ULK4: variants seen among roughly 807,000 people sequenced by gnomAD.
ULK4 encodes the protein inactive serine/threonine-protein kinase ULK4.
In ULK4, 133 loss-of-function variants were observed where a neutral mutation model predicts 160.6. The ratio of observed to expected loss-of-function variants is 0.83; its 90% CI spans 0.72 to 0.96. The LOEUF (loss-of-function observed/expected upper bound fraction) is 0.96, where lower values mean the gene tolerates loss of function less well. Ranked by LOEUF, ULK4 falls within the 40% of genes least tolerant of loss-of-function variation. The pLI is 0.00. For synonymous variants in ULK4, 534 were observed against 539.8 expected, an observed-to-expected ratio of 0.99 and a Z score of 0.15; for missense variants, 1,580 against 1,499.5, an observed-to-expected ratio of 1.05 and a Z score of -0.89.
chr3:41,869,060 C>T (rs529057874), intron 17 of ULK4: 3 of 152,070 alleles, frequency 2.0e-5, no homozygotes, highest in African/African-American at 7.2e-5. Context: ...TAGTTACAAT[C>T]AATTAGTTGT....
At chr3:41,722,586 G>A (rs1463480463) in intron 22 of ULK4, among the ~76,000 whole-genome samples, 1 of 151,940 alleles carries the variant, frequency 6.6e-6, no homozygotes, top group Non-Finnish European at 1.5e-5. Flanking sequence ...AGCCGAGATG[G>A]CACCACTGCA....
At chr3:41,261,618 G>A (rs1177823205) in intron 35 of ULK4, among the ~76,000 whole-genome samples, 2 of 152,048 alleles carry the variant, frequency 1.3e-5, no homozygotes, top group Non-Finnish European at 2.9e-5. Context: ...CTGCTCTGCC[G>A]GCCATCTCTT....
chr3:41,562,444 T>C (rs1206010523), intron 32 of ULK4, among the ~76,000 whole-genome samples: 1 of 152,220 alleles, frequency 6.6e-6, no homozygotes, highest in Non-Finnish European at 1.5e-5. Flanking sequence ...TTGATCTGTC[T>C]AGTATTGACG....
rs543657330 is a variant in ULK4 at position 41,376,908 on chromosome 3, C to T, written c.3678+21171G>A. The stretch of plus-strand genomic sequence containing the variant: ...TCATATGGAACCAAAAAAGAGCCCG[C>T]ATCGCCAAGTCAATCCTAAGCCAAA... On this transcript the variant is annotated intron_variant, in intron 35 of 36. Coordinates refer to ENST00000301831, the MANE Select transcript of ULK4 (RefSeq NM_017886.4). 1.5e-4 allele frequency among the ~76,000 whole-genome samples: 21 copies of T among 143,938 alleles called. 1 individual carries two copies. Among genetic ancestry groups the T allele is most frequent in the African/African-American group, 5.5e-4 (20 of 36,340 alleles). 94.4% of individuals were successfully genotyped at this position (143,938 alleles called of 152,430 possible).
chr3:41,827,337 C>T (rs1403113635), intron 18 of ULK4, among the ~76,000 whole-genome samples: 3 of 151,644 alleles, frequency 2.0e-5, no homozygotes, highest in Non-Finnish European at 4.4e-5. Flanking sequence ...GACAGAGACA[C>T]AAAAAACCCT....
chr3:41,679,264 T>C (rs2035840671), intron 29 of ULK4, among the ~76,000 whole-genome samples: 1 of 152,178 alleles, frequency 6.6e-6, no homozygotes, highest in South Asian at 2.1e-4. Flanking sequence ...GAGGGTACTA[T>C]TTGCCACACA....
intron 31 of ULK4, among the ~76,000 whole-genome samples, chr3:41,583,912 G>C (rs1450195863): frequency 1.3e-5 from 2 of 152,170 alleles, no homozygotes; most frequent in Non-Finnish European, 2.9e-5. Flanking sequence ...TACAGCTCTG[G>C]TCTCTGCAGA....
chr3:41,640,682 G>A (rs1463065082), intron 30 of ULK4, among the ~76,000 whole-genome samples: 1 of 152,150 alleles, frequency 6.6e-6, no homozygotes, highest in Non-Finnish European at 1.5e-5. Context: ...CAAAGGCATA[G>A]TGTACCTGAG....
At chr3:41,828,042 C>G (rs2041430120) in intron 18 of ULK4, among the ~76,000 whole-genome samples, 1 of 151,792 alleles carries the variant, frequency 6.6e-6, no homozygotes, top group African/African-American at 2.4e-5. Flanking sequence ...GAACCAAAGA[C>G]AAAAACCACA....
In ULK4 at chr3:41,911,679, A is replaced by G. The variant is rs754401884; in HGVS notation, c.897-20T>C. 10 of 1,563,600 alleles carry G rather than the reference A, an allele frequency of 6.4e-6. No individual in the cohort carries two copies. The South Asian group carries it at 1.0e-4, about 16-fold the overall frequency. Reference sequence around the variant, plus strand: ...TTTCTGCTATTATTGGAGAAAACCAACACAATCAAACTTACTTTGGAGTTC... The same window carrying G: ...TTTCTGCTATTATTGGAGAAAACCAGCACAATCAAACTTACTTTGGAGTTC... On this transcript the variant is annotated intron_variant, in intron 9 of 36. Coordinates refer to ENST00000301831, the MANE Select transcript of ULK4 (RefSeq NM_017886.4).
chr3:41,659,519 T>C (rs2035071003), intron 30 of ULK4, among the ~76,000 whole-genome samples: 1 of 152,180 alleles, frequency 6.6e-6, no homozygotes, highest in Admixed American at 6.5e-5. Context: ...CATGTTAAAA[T>C]TACTCTGAAA....
chr3:41,782,993 G>A (rs2039899391), intron 21 of ULK4, among the ~76,000 whole-genome samples: 1 of 149,038 alleles, frequency 6.7e-6, no homozygotes, highest in African/African-American at 2.5e-5. Flanking sequence ...ATATGAGCCA[G>A]CAAAGAACAT....
At chr3:41,850,477 T>C (rs1329969656) in intron 17 of ULK4, among the ~76,000 whole-genome samples, 1 of 151,692 alleles carries the variant, frequency 6.6e-6, no homozygotes, top group African/African-American at 2.4e-5. Context: ...GCACCTGTTG[T>C]TTCCTGACTT....
rs917211642 is a variant in ULK4, at chr3:41,775,195, C to T, written c.2193+14466G>A. Among the ~76,000 whole-genome samples the T allele has an allele frequency of 2.7e-5, 4 of 149,828 alleles. 1 individual carries two copies. The highest frequency in any genetic ancestry group is 7.6e-5 in the African/African-American group (3 of 39,618). ...ATGTAACAAACGTGCACGTTGTGCA[C>T]ATGTACCCTAAAAGTATAATAATAA... On this transcript the variant is annotated intron_variant, in intron 21 of 36. Coordinates refer to ENST00000301831, the MANE Select transcript of ULK4 (RefSeq NM_017886.4).
intron 35 of ULK4, among the ~76,000 whole-genome samples, chr3:41,354,802 G>C (rs1432803335): frequency 6.6e-6 from 1 of 152,198 alleles, no homozygotes; most frequent in African/African-American, 2.4e-5. Flanking sequence ...ATTCATTACA[G>C]ACACATGTAA....
chr3:41,732,895 C>CA (rs1575620842), intron 22 of ULK4, among the ~76,000 whole-genome samples: 1 of 151,830 alleles, frequency 6.6e-6, no homozygotes, highest in Admixed American at 6.6e-5. Flanking sequence ...TGTGGAATCT[C>CA]AAAAAGCTGA....
chr3:41,509,990 T>C (rs994800353), intron 32 of ULK4, among the ~76,000 whole-genome samples: 2 of 152,130 alleles, frequency 1.3e-5, no homozygotes, highest in Non-Finnish European at 2.9e-5. Context: ...AGTACTAACG[T>C]TGAATGTGAA....
At chr3:41,922,571 A>G (rs534590405) in intron 5 of ULK4, among the ~76,000 whole-genome samples, 184 of 122,852 alleles carry the variant, frequency 1.5e-3, no homozygotes, top group Non-Finnish European at 2.3e-3. Context: ...TCGTGAAGAC[A>G]GGGTGTTGCT....
At chr3:41,734,898 G>C (rs1217389896) in intron 22 of ULK4, among the ~76,000 whole-genome samples, 2 of 152,150 alleles carry the variant, frequency 1.3e-5, no homozygotes, top group Non-Finnish European at 2.9e-5. Flanking sequence ...GGAAAACGCT[G>C]ACCAGTGAGT....
Sources: gnomAD v4.1 joint callset for allele counts (sites outside exome capture counted in the v4.1 genomes callset) on GRCh38, gnomAD v4.1.1 for gene constraint, MANE v1.5 for transcripts, NCBI Gene and HGNC (gene_info 2026-07-23, HGNC 2026-07-21) for gene names.